SDK1: variants seen among roughly 807,000 people sequenced by gnomAD.
SDK1 encodes the protein sidekick cell adhesion molecule 1, also known as protein sidekick-1.
In SDK1, 157 loss-of-function variants were observed where a neutral mutation model predicts 245.5. That is an observed-to-expected ratio of 0.64 (90% CI 0.56 to 0.73). The LOEUF (loss-of-function observed/expected upper bound fraction) is 0.73, where lower values mean the gene tolerates loss of function less well. SDK1 is among the 30% of genes least tolerant of loss of function. The pLI is 0.00. For missense variants in SDK1, 3,583 were observed against 3,002.3 expected, an observed-to-expected ratio of 1.19 and a Z score of -4.52; for synonymous variants, 1,647 against 1,278.5, an observed-to-expected ratio of 1.29 and a Z score of -6.15.
chr7:3,629,283 A>G (rs1366203190), intron 2 of SDK1, among the ~76,000 whole-genome samples: 2 of 150,966 alleles, frequency 1.3e-5, no homozygotes, highest in East Asian at 1.9e-4. Context: ...CCTGGGAGAC[A>G]GTACAATTCT....
chr7:3,977,605 C>T (rs925348952), intron 13 of SDK1, among the ~76,000 whole-genome samples: 2 of 152,230 alleles, frequency 1.3e-5, no homozygotes, highest in African/African-American at 4.8e-5. Flanking sequence ...CCTGATCATG[C>T]ACCCCTTAGC....
At chr7:4,115,126 G>A (rs774533611) in intron 25 of SDK1, among the ~76,000 whole-genome samples, 1 of 152,162 alleles carries the variant, frequency 6.6e-6, no homozygotes, top group African/African-American at 2.4e-5. Flanking sequence ...AGGAAGGACG[G>A]CAATTAACGC....
intron 5 of SDK1, among the ~76,000 whole-genome samples, chr7:3,867,960 G>A (rs1035323591): frequency 2.6e-5 from 4 of 151,356 alleles, no homozygotes; most frequent in Non-Finnish European, 4.4e-5. Flanking sequence ...TATCTTTCTC[G>A]AGATGATCAG....
intron 25 of SDK1, among the ~76,000 whole-genome samples, chr7:4,116,560 G>C (rs1030642700): frequency 1.3e-5 from 2 of 152,246 alleles, no homozygotes; most frequent in African/African-American, 4.8e-5. Flanking sequence ...GTAGGTTACT[G>C]TAATGCACAG....
intron 4 of SDK1, among the ~76,000 whole-genome samples, chr7:3,800,313 C>T (rs1779074186): frequency 6.6e-6 from 1 of 152,078 alleles, no homozygotes; most frequent in South Asian, 2.1e-4. Flanking sequence ...CATTTCTACC[C>T]TGACTGATGT....
At chr7:3,895,455 A>G (rs933940865) in intron 5 of SDK1, among the ~76,000 whole-genome samples, 2 of 152,190 alleles carry the variant, frequency 1.3e-5, no homozygotes, top group African/African-American at 4.8e-5. Context: ...TGTTTAGAAT[A>G]AAAAGGGGGA....
chr7:3,959,190 C>G (rs532856249), intron 8 of SDK1, among the ~76,000 whole-genome samples, 176 bp downstream of exon 8: 82 of 152,164 alleles, frequency 5.4e-4, no homozygotes, highest in African/African-American at 2.0e-3. Flanking sequence ...TTTGACTTTG[C>G]CAAGCTTTTG....
chr7:3,502,354 A>G (rs1295414464), intron 1 of SDK1, among the ~76,000 whole-genome samples: 2 of 152,112 alleles, frequency 1.3e-5, no homozygotes, highest in African/African-American at 2.4e-5. Flanking sequence ...GGTTCAAGCT[A>G]TTCTCTTGCC....
chr7:4,096,876 G>A (rs571729709), intron 22 of SDK1, among the ~76,000 whole-genome samples: 4 of 152,302 alleles, frequency 2.6e-5, no homozygotes, highest in Admixed American at 6.5e-5. Context: ...CCAGGTCTGC[G>A]AAGTCCCCAG....
chr7:4,028,224 C>G (rs1027755066), intron 17 of SDK1, among the ~76,000 whole-genome samples: 1 of 152,162 alleles, frequency 6.6e-6, no homozygotes, highest in Non-Finnish European at 1.5e-5. Context: ...CCAGGTGACT[C>G]TAACACCCAC....
At chr7:4,164,000 T>G (rs1781336646) in intron 32 of SDK1, among the ~76,000 whole-genome samples, 1 of 152,108 alleles carries the variant, frequency 6.6e-6, no homozygotes, top group African/African-American at 2.4e-5. Flanking sequence ...CATGGAGGTG[T>G]GCGGGGCTGC....
chr7:3,563,087 A>G (rs757199427), intron 1 of SDK1, among the ~76,000 whole-genome samples: 5 of 152,216 alleles, frequency 3.3e-5, no homozygotes, highest in Non-Finnish European at 5.9e-5. Context: ...ATGAAGAAAC[A>G]TACAGATGGA....
At chr7:4,071,634 AG>A (rs765179545) in intron 20 of SDK1, among the ~76,000 whole-genome samples, 1 of 152,228 alleles carries the variant, frequency 6.6e-6, no homozygotes, top group African/African-American at 2.4e-5. Flanking sequence ...ATTCAAAGAA[AG>A]GAAAAACAAA....
intron 5 of SDK1, among the ~76,000 whole-genome samples, chr7:3,890,105 A>C (rs1270624639): frequency 6.6e-6 from 1 of 152,202 alleles, no homozygotes. Context: ...TGGATTTCAG[A>C]CATGGCCCTA....
intron 5 of SDK1, among the ~76,000 whole-genome samples, chr7:3,839,312 G>A (rs1780100939): frequency 6.6e-6 from 1 of 152,182 alleles, no homozygotes; most frequent in African/African-American, 2.4e-5. Flanking sequence ...TTGAGAAAGT[G>A]GATGGCTTTA....
chr7:3,329,537 C>T (rs566788536), intron 1 of SDK1, among the ~76,000 whole-genome samples: 1 of 152,296 alleles, frequency 6.6e-6, no homozygotes, highest in East Asian at 1.9e-4. Context: ...GCCACATCTT[C>T]ACACCCTACC....
At chr7:3,994,676 A>G (rs896413982) in intron 14 of SDK1, among the ~76,000 whole-genome samples, 1 of 151,948 alleles carries the variant, frequency 6.6e-6, no homozygotes, top group Non-Finnish European at 1.5e-5. Flanking sequence ...ACATAATGTA[A>G]TTCTTGACTC....
chr7:3,361,496 T>C (rs1339979103), intron 1 of SDK1, among the ~76,000 whole-genome samples: 1 of 152,194 alleles, frequency 6.6e-6, no homozygotes, highest in African/African-American at 2.4e-5. Context: ...TTCTACTCTC[T>C]CACCTTCGTT....
intron 4 of SDK1, among the ~76,000 whole-genome samples, chr7:3,786,111 CTTGT>C (rs934156564): frequency 7.2e-5 from 11 of 152,120 alleles, no homozygotes; most frequent in African/African-American, 2.4e-4. Context: ...TTAAGTCCTC[CTTGT>C]TTGTTCTCTT....
Sources: gnomAD v4.1 joint callset for allele counts (sites outside exome capture counted in the v4.1 genomes callset) on GRCh38, gnomAD v4.1.1 for gene constraint, MANE v1.5 for transcripts, NCBI Gene and HGNC (gene_info 2026-07-23, HGNC 2026-07-21) for gene names.